ALDH18A1: variants seen among roughly 807,000 people sequenced by gnomAD.
ALDH18A1 encodes the protein aldehyde dehydrogenase 18 family member A1, also known as delta-1-pyrroline-5-carboxylate synthase.
ALDH18A1 carries 44 observed loss-of-function variants against 88.8 expected under a neutral mutation model. The observed-to-expected ratio is 0.50, with a 90% CI of 0.39 to 0.64. The LOEUF (loss-of-function observed/expected upper bound fraction) is 0.64, where lower values mean the gene tolerates loss of function less well. Ranked by LOEUF, ALDH18A1 falls within the 30% of genes least tolerant of loss-of-function variation. The pLI is 0.00. For missense variants in ALDH18A1, 782 were observed against 1,009.5 expected, an observed-to-expected ratio of 0.77 and a Z score of 3.05; for synonymous variants, 331 against 372.1, an observed-to-expected ratio of 0.89 and a Z score of 1.27.
At chr10:95,643,941 C>T (rs762686201) in intron 2 of ALDH18A1, among the ~76,000 whole-genome samples, 4 of 152,112 alleles carry the variant, frequency 2.6e-5, no homozygotes, top group South Asian at 4.1e-4. Context: ...GTCAGGAGTT[C>T]GAGACCAGCC....
intron 5 of ALDH18A1, among the ~76,000 whole-genome samples, chr10:95,636,020 G>A (rs947955475): frequency 2.0e-5 from 3 of 152,120 alleles, no homozygotes; most frequent in African/African-American, 7.2e-5. Context: ...TAAGACTACA[G>A]AAAGTGGGGT....
intron 2 of ALDH18A1, among the ~76,000 whole-genome samples, chr10:95,645,514 C>T (rs1399803065): frequency 6.6e-6 from 1 of 152,162 alleles, no homozygotes; most frequent in Non-Finnish European, 1.5e-5. Context: ...CAGGCAGGAC[C>T]TTATTCTCAT....
chr10:95,615,328 G>C (rs2097842341), intron 13 of ALDH18A1, among the ~76,000 whole-genome samples: 2 of 136,866 alleles, frequency 1.5e-5, no homozygotes, highest in Non-Finnish European at 3.2e-5. Flanking sequence ...AACAGAGCAA[G>C]ACCATGTCTC....
intron 13 of ALDH18A1, among the ~76,000 whole-genome samples, chr10:95,614,739 T>C (rs543814531): frequency 1.4e-4 from 22 of 152,336 alleles, no homozygotes; most frequent in African/African-American, 4.3e-4. Context: ...TTTTGTTTTC[T>C]CTTGATTTTT....
Position 95,649,557 on chromosome 10 carries a change from G to A in ALDH18A1, c.88+3733C>T, listed in dbSNP as rs190651741. ...TTTTTAGTACAGACGGGGTTTCACT[G>A]TGTTAGTCAGGATGGTCTCGATATC... On this transcript the variant is annotated intron_variant, in intron 2 of 17. Coordinates refer to ENST00000371224, the MANE Select transcript of ALDH18A1 (RefSeq NM_002860.4). 5.8e-3 allele frequency among the ~76,000 whole-genome samples: 883 copies of A among 151,846 alleles called. 6 individuals are homozygous for A. The highest frequency in any genetic ancestry group is 9.5e-3 in the Non-Finnish European group (647 of 67,956).
chr10:95,648,379 T>G (rs147473164), intron 2 of ALDH18A1, among the ~76,000 whole-genome samples: 5 of 152,148 alleles, frequency 3.3e-5, no homozygotes, highest in African/African-American at 9.6e-5. Context: ...TGAATTCTCA[T>G]GAATTAAGCC....
intron 2 of ALDH18A1, among the ~76,000 whole-genome samples, chr10:95,649,539 T>C (rs1235120470): frequency 6.6e-6 from 1 of 151,896 alleles, no homozygotes; most frequent in East Asian, 1.9e-4. Flanking sequence ...TGTTTTTTAG[T>C]ACAGACGGGG....
At chr10:95,654,298 G>A (rs2097914667) in intron 1 of ALDH18A1, among the ~76,000 whole-genome samples, 3 of 151,832 alleles carry the variant, frequency 2.0e-5, no homozygotes, top group Admixed American at 2.0e-4. Flanking sequence ...CCGAGTAGCT[G>A]GGACTACAGG....
intron 10 of ALDH18A1, 76 bp downstream of exon 10, chr10:95,626,627 G>A: frequency 1.5e-6 from 2 of 1,348,730 alleles, no homozygotes; most frequent in Non-Finnish European, 2.1e-6. Flanking sequence ...GATGGAGTCA[G>A]CAGGTTTGAC....
At chr10:95,625,528 C>G in intron 10 of ALDH18A1, 73 bp from the exon 11 acceptor site, 1 of 1,327,420 alleles carries the variant, frequency 7.5e-7, no homozygotes, top group Non-Finnish European at 1.1e-6. Context: ...GTTTTTAAAC[C>G]TACTCTTCTG....
rs11541780 is a variant in ALDH18A1 at position 95,613,997 on chromosome 10, G to A, written c.1770C>T (p.Ser590=). The change falls in exon 14 of 18, where the codon TCC becomes TCT. Residue 590 remains serine, a synonymous_variant. Coordinates refer to ENST00000371224, the MANE Select transcript of ALDH18A1 (RefSeq NM_002860.4). ...TGGTGACCTTATCAACACTGGCCTC[G>A]GAATCCACATACATGTGACAGATCC... is the stretch of plus-strand genomic sequence containing the variant. ...SEGICHMYVD[S]EASVDKVTRL... is the part of the protein sequence containing the mutation. 66,083 of 1,614,114 alleles carry A rather than the reference G, an allele frequency of 0.041. 1,552 individuals are homozygous for A. Among genetic ancestry groups the A allele is most frequent in the Non-Finnish European group, 0.047 (55,753 of 1,180,028 alleles).
At position 95,614,159 on chromosome 10, in the gene ALDH18A1, C is replaced by T. The variant is rs936920090; in HGVS notation, c.1608G>A (p.Val536=). The T allele has an allele frequency of 6.2e-7, 1 of 1,614,052 alleles. No individual in the cohort carries two copies. Among genetic ancestry groups the T allele is most frequent in the Non-Finnish European group, 8.5e-7 (1 of 1,179,996 alleles). Reference sequence around the variant, plus strand: ...GATCTTCAACTTCTTCTCTGGTATTCACCTTTAGAAGGAAAGAAGAAAAAG... The same window carrying T: ...GATCTTCAACTTCTTCTCTGGTATTTACCTTTAGAAGGAAAGAAGAAAAAG... ...IHGVKEAVQL[V]NTREEVEDLC... is the part of the protein sequence containing the mutation. The change falls in exon 14 of 18, where the codon GTG becomes GTA. Residue 536 remains valine, a splice_region_variant and synonymous_variant. Transcript: ENST00000371224.
chr10:95,624,203 C>T (rs895693580), intron 11 of ALDH18A1, among the ~76,000 whole-genome samples: 36 of 152,218 alleles, frequency 2.4e-4, no homozygotes, highest in African/African-American at 7.2e-4. Flanking sequence ...TGCTAAGCCA[C>T]GCTCATGTAT....
intron 7 of ALDH18A1, among the ~76,000 whole-genome samples, chr10:95,629,874 A>T (rs888949320): frequency 1.3e-5 from 2 of 152,172 alleles, no homozygotes; most frequent in Non-Finnish European, 2.9e-5. Flanking sequence ...AAGCTGCATC[A>T]AAACGATTTG....
chr10:95,643,387 G>C (rs1262810897), intron 2 of ALDH18A1, among the ~76,000 whole-genome samples, 181 bp from the exon 3 acceptor site: 3 of 152,144 alleles, frequency 2.0e-5, no homozygotes, highest in African/African-American at 7.2e-5. Flanking sequence ...TTTTAGTATT[G>C]TATGGAGTTT....
chr10:95,638,256 T>C lies in ALDH18A1; in HGVS notation c.304-820A>G, dbSNP rs571537147. On this transcript the variant is annotated intron_variant, in intron 3 of 17. Coordinates refer to ENST00000371224, the MANE Select transcript of ALDH18A1 (RefSeq NM_002860.4). ...CAGGCTGGCCTCAAACTTCTGGTCT[T>C]AATCCATCCTCCTGCCACGGCCTCC... Among the ~76,000 whole-genome samples the C allele has an allele frequency of 7.3e-4, 111 of 152,212 alleles. 1 individual carries two copies. Among genetic ancestry groups the C allele is most frequent in the African/African-American group, 2.6e-3 (107 of 41,542 alleles).
intron 10 of ALDH18A1, 83 bp from the exon 11 acceptor site, chr10:95,625,538 G>A: frequency 8.4e-7 from 1 of 1,186,902 alleles, no homozygotes; most frequent in Non-Finnish European, 1.2e-6. Context: ...CTACTCTTCT[G>A]AGAGTGCCAG....
chr10:95,619,303 G>C (rs1290330717), intron 12 of ALDH18A1, among the ~76,000 whole-genome samples: 1 of 152,146 alleles, frequency 6.6e-6, no homozygotes, highest in Non-Finnish European at 1.5e-5. Context: ...ACAAACAAAT[G>C]GAAGAACATT....
At chr10:95,649,371 T>C (rs1245159947) in intron 2 of ALDH18A1, among the ~76,000 whole-genome samples, 1 of 148,718 alleles carries the variant, frequency 6.7e-6, no homozygotes, top group African/African-American at 2.5e-5. Context: ...TTTTTTTTTT[T>C]TGAAACGGAG....
Sources: allele counts gnomAD v4.1 joint callset (sites outside exome capture counted in the v4.1 genomes callset), GRCh38; gene constraint gnomAD v4.1.1; transcripts MANE v1.5; gene names NCBI Gene and HGNC (gene_info 2026-07-23, HGNC 2026-07-21).